Variants in KRT4 observed in about 807,000 individuals in gnomAD.
KRT4 encodes keratin 4.
Under a neutral mutation model 50.6 loss-of-function variants are expected in KRT4, and 47 were observed. The ratio of observed to expected loss-of-function variants is 0.93; its 90% confidence interval spans 0.73 to 1.18. The LOEUF (loss-of-function observed/expected upper bound fraction) is 1.18. Among genes scored for constraint, KRT4 ranks in the 50% most tolerant of loss-of-function variants. The pLI, the probability that KRT4 is intolerant of heterozygous loss-of-function variation, is 0.00. For synonymous variants in KRT4, 254 were observed against 251.2 expected, an observed-to-expected ratio of 1.01 and a Z score of -0.10; for missense variants, 651 against 645.7, an observed-to-expected ratio of 1.01 and a Z score of -0.09.
In KRT4 at chr12:52,807,734, A is replaced by G; in HGVS notation, c.1256T>C (p.Leu419Pro). Residue 419 changes from leucine (L) to proline (P), a missense_variant, in exon 7 of 9, where the codon CTG becomes CCG. By Grantham distance (98) the Leu-to-Pro change is moderately conservative. Coordinates refer to ENST00000551956, the MANE Select transcript of KRT4 (RefSeq NM_002272.4). Reference protein sequence around the residue: ...QQAKEELARMLREYQELMSVK... With the variant: ...QQAKEELARMPREYQELMSVK... ...ACTCATGAGCTCCTGGTACTCACGCAGCATTCGTGCCAGCTCCTCCTTGGC... is the reference window on the plus strand; with the variant it reads ...ACTCATGAGCTCCTGGTACTCACGCGGCATTCGTGCCAGCTCCTCCTTGGC... 1 of 1,614,204 alleles carries G rather than the reference A, an allele frequency of 6.2e-7. No homozygotes were observed. The highest frequency in any genetic ancestry group is 8.5e-7 in the Non-Finnish European group (1 of 1,180,048).
At chr12:52,808,938 C>T in intron 4 of KRT4, 88 bp from the exon 5 acceptor site, 5 of 1,403,838 alleles carry the variant, frequency 3.6e-6, no homozygotes, top group Non-Finnish European at 5.0e-6. Context: ...CTGGCATTCA[C>T]AATGTGTAGG....
At chr12:52,811,136 T>C (rs1939903781) in intron 2 of KRT4, among the ~76,000 whole-genome samples, 1 of 152,206 alleles carries the variant, frequency 6.6e-6, no homozygotes, top group Admixed American at 6.5e-5. Context: ...GATTAAATTC[T>C]CAGCAATGTC....
Position 52,807,123 on chromosome 12 carries a change from A to G in KRT4, c.1509T>C (p.Ser503=). ...AGATGATCTTGCTGCTGGAACTGCC[A>G]GAGACACTGCCACCAAACCCAAAGC... ...GSGFGFGGSV[S]GSSSSKIIST... Residue 503 remains serine, a synonymous_variant, in exon 9 of 9, where the codon TCT becomes TCC. Transcript: ENST00000551956. 2 of 1,614,206 alleles carry G rather than the reference A, an allele frequency of 1.2e-6. No individual in the cohort carries two copies.
At position 52,807,249 on chromosome 12, in the gene KRT4, A is replaced by T; in HGVS notation, c.1383T>A (p.Ser461=). ...SGECQSAVSI[S]VVSGSTSTGG... ...CAGTGCTGGTGCTACCGCTGACCACAGCTGCAGAAAAGACACAAAAGACAC... is the reference window on the plus strand; with the variant it reads ...CAGTGCTGGTGCTACCGCTGACCACTGCTGCAGAAAAGACACAAAAGACAC... The change falls in exon 9 of 9, where the codon TCT becomes TCA. Residue 461 remains serine, a splice_region_variant and synonymous_variant. Coordinates refer to ENST00000551956, the MANE Select transcript of KRT4 (RefSeq NM_002272.4). The T allele has an allele frequency of 1.2e-6, 2 of 1,614,176 alleles. No homozygotes were observed. Among genetic ancestry groups the T allele is most frequent in the Non-Finnish European group, 1.7e-6 (2 of 1,180,022 alleles).
Position 52,807,651 on chromosome 12 carries a change from C to T in KRT4, c.1339G>A (p.Glu447Lys), listed in dbSNP as rs1939824233. 6.2e-7 allele frequency: 1 copy of T among 1,613,716 alleles called. No individual in the cohort carries two copies. The highest frequency in any genetic ancestry group is 1.7e-5 in the Admixed American group (1 of 60,008). Residue 447 changes from glutamate to lysine, a missense_variant, in exon 7 of 9, where the codon GAG (glutamate) becomes AAG (lysine). Transcript: ENST00000551956. ...CCCTGCCTAACCCCTCACCTGTACT[C>T]CTCGCCCTCCAGCAGTTTGCGGTAG... Reference protein sequence around the residue: ...ATYRKLLEGEEYRMSGECQSA... With the variant: ...ATYRKLLEGEKYRMSGECQSA...
chr12:52,807,064 C>G lies in KRT4; in HGVS notation c.*5G>C, dbSNP rs755633386. ...ACACAGTGAGCTGCAGGGACCTCGT[C>G]TCCTCTATCGTCTCTTGTTCAGGGT... On this transcript the variant is annotated 3_prime_UTR_variant, in exon 9 of 9. Coordinates refer to ENST00000551956, the MANE Select transcript of KRT4 (RefSeq NM_002272.4). 1.9e-6 allele frequency: 3 copies of G among 1,613,986 alleles called. No homozygotes were observed. In the Admixed American group the frequency reaches 5.0e-5, roughly 27 times the overall value.
chr12:52,808,900 C>A, intron 4 of KRT4, 50 bp from the exon 5 acceptor site: 1 of 1,597,058 alleles, frequency 6.3e-7, no homozygotes, highest in Non-Finnish European at 8.6e-7. Flanking sequence ...CCTTCACTGA[C>A]CTGATACAGG....
At position 52,813,718 on chromosome 12, in the gene KRT4, A is replaced by C. The variant is rs200253751; in HGVS notation, c.341T>G (p.Ile114Ser). Residue 114 changes from isoleucine to serine, a missense_variant, in exon 1 of 9, where the codon ATC becomes AGC. Ile to Ser is a moderately radical substitution (Grantham distance 142, BLOSUM62 -2). Coordinates refer to ENST00000551956, the MANE Select transcript of KRT4 (RefSeq NM_002272.4). ...CPAGGIQEVT[I>S]NQSLLTPLHV... ...GAGGGGGGTGAGCAAGCTCTGGTTG[A>C]TGGTGACCTCCTGAATTCCCCCAGC... 8 of 1,265,276 alleles carry C rather than the reference A, an allele frequency of 6.3e-6. No homozygotes were observed. In the African/African-American group the frequency reaches 2.4e-4, roughly 39 times the overall value. The allele number at this position is 1,265,276 out of a possible 1,614,324, so 78.4% of individuals were successfully genotyped here. A position where few individuals can be genotyped will look rare whatever the true frequency, so the allele number is the denominator to read the frequency against.
chr12:52,809,045 A>G, intron 4 of KRT4, 195 bp from the exon 5 acceptor site: 1 of 685,058 alleles, frequency 1.5e-6, no homozygotes. Context: ...GTCCCCAGGA[A>G]CCATAAGCCA....
intron 6 of KRT4, 75 bp from the exon 7 acceptor site, chr12:52,807,939 G>T: frequency 3.0e-6 from 4 of 1,326,162 alleles, no homozygotes; most frequent in Non-Finnish European, 4.3e-6. Context: ...CCCTCCCCTG[G>T]TCCAGCTTTC....
chr12:52,807,835 A>C lies in KRT4; in HGVS notation c.1155T>G (p.Asp385Glu). The change falls in exon 7 of 9, where the codon GAT (aspartate) becomes GAG (glutamate). Residue 385 changes from aspartate to glutamate, a missense_variant. By Grantham distance (45) the Asp-to-Glu change is conservative. Coordinates refer to ENST00000551956, the MANE Select transcript of KRT4 (RefSeq NM_002272.4). ...QCQTLQVSVA[D>E]AEQRGENALK... ...GGGCATTCTCACCTCGCTGCTCTGC[A>C]TCAGCCACGGATACCTGAAGAGTCT... 6.2e-7 allele frequency: 1 copy of C among 1,614,064 alleles called. No individual in the cohort carries two copies. The highest frequency in any genetic ancestry group is 8.5e-7 in the Non-Finnish European group (1 of 1,180,040).
intron 2 of KRT4, 135 bp downstream of exon 2, chr12:52,811,627 TG>T (rs1452134457): frequency 4.2e-6 from 3 of 720,120 alleles, no homozygotes; most frequent in Non-Finnish European, 7.4e-6. Context: ...ACTATGTGGA[TG>T]TAGCAAAACA....
intron 2 of KRT4, 94 bp downstream of exon 2, chr12:52,811,669 G>T (rs762314573): frequency 1.9e-4 from 194 of 1,034,058 alleles, no homozygotes; most frequent in Non-Finnish European, 2.8e-4. Flanking sequence ...CGCCTTCAGA[G>T]CCTGAGATTC....
At chr12:52,808,951 G>A (rs544338690) in intron 4 of KRT4, 101 bp from the exon 5 acceptor site, 5 of 1,272,078 alleles carry the variant, frequency 3.9e-6, no homozygotes, top group East Asian at 2.3e-5. Context: ...TGTGTAGGAA[G>A]GGGAGAGACA....
intron 5 of KRT4, 109 bp from the exon 6 acceptor site, chr12:52,808,528 T>C: frequency 6.5e-7 from 1 of 1,543,588 alleles, no homozygotes; most frequent in Non-Finnish European, 8.9e-7. Context: ...TAGCACCAAA[T>C]GTCAAGTAGT....
intron 6 of KRT4, 134 bp from the exon 7 acceptor site, chr12:52,807,998 G>A: frequency 1.2e-6 from 1 of 847,198 alleles, no homozygotes; most frequent in South Asian, 1.4e-5. Context: ...CTTTCCCTGA[G>A]ACTTATGCAT....
rs1241954315 is a variant in KRT4 at position 52,807,694 on chromosome 12, C to G, written c.1296G>C (p.Leu432Phe). 1 of 1,614,166 alleles carries G rather than the reference C, an allele frequency of 6.2e-7. No homozygotes were observed. The highest frequency in any genetic ancestry group is 1.1e-5 in the South Asian group (1 of 91,080). The change falls in exon 7 of 9, where the codon TTG becomes TTC. Residue 432 changes from leucine (L) to phenylalanine (F), a missense_variant. Physicochemically the swap from Leu to Phe is conservative, Grantham distance 22. Transcript: ENST00000551956. Reference sequence around the variant, plus strand: ...TGCGGTAGGTGGCGATCTCGATGTCCAAGGCCAGCTTCACACTCATGAGCT... The same window carrying G: ...TGCGGTAGGTGGCGATCTCGATGTCGAAGGCCAGCTTCACACTCATGAGCT... ...YQELMSVKLA[L>F]DIEIATYRKL...
chr12:52,813,773 T>G lies in KRT4; in HGVS notation c.286A>C (p.Lys96Gln). 4 of 1,614,270 alleles carry G rather than the reference T, an allele frequency of 2.5e-6. No individual in the cohort carries two copies. Among genetic ancestry groups the G allele is most frequent in the African/African-American group, 1.3e-5 (1 of 75,078 alleles). ...CAGACGGGGAAGCCAGGGCCACCCT[T>G]ACCACTGAAGGAGCCCCCAAATCCA... ...GGGFGGSFSG[K>Q]GGPGFPVCPA... The change falls in exon 1 of 9, where the codon AAG becomes CAG. Residue 96 changes from lysine (K) to glutamine (Q), a missense_variant. Coordinates refer to ENST00000551956, the MANE Select transcript of KRT4 (RefSeq NM_002272.4).
In KRT4 at chr12:52,806,652, G is replaced by A. The variant is rs1283400331; in HGVS notation, c.*417C>T. The A allele has an allele frequency of 2.2e-5, 6 of 276,734 alleles. No individual in the cohort carries two copies. The highest frequency in any genetic ancestry group is 4.3e-5 in the Non-Finnish European group (6 of 140,670). 17.1% of individuals were successfully genotyped at this position (276,734 alleles called of 1,614,324 possible). ...GTGGTTCTCATCCTAAGCTTGCAGG[G>A]CCAAGTGCTGCCGGGTGTTGGAGAA... On this transcript the variant is annotated 3_prime_UTR_variant, in exon 9 of 9. Coordinates refer to ENST00000551956, the MANE Select transcript of KRT4 (RefSeq NM_002272.4).
Sources: allele counts gnomAD v4.1 joint callset (sites outside exome capture counted in the v4.1 genomes callset), GRCh38; gene constraint gnomAD v4.1.1; transcripts MANE v1.5; gene names NCBI Gene and HGNC (gene_info 2026-07-23, HGNC 2026-07-21).